The following BEND7 variants were observed in gnomAD, a reference collection of about 807,000 sequenced individuals.
BEND7 encodes BEN domain-containing protein 7.
A neutral mutation model predicts 50.9 loss-of-function variants in BEND7; 28 were observed. The observed-to-expected ratio is 0.55, with a 90% CI of 0.41 to 0.75. The LOEUF (loss-of-function observed/expected upper bound fraction) is 0.75. Among genes scored for constraint, BEND7 ranks in the 30% least tolerant of loss-of-function variants. The probability of loss-of-function intolerance (pLI) is 0.00; values close to 1 mark genes in which losing one functional copy is unlikely to be tolerated. For missense variants in BEND7, 477 were observed against 491.3 expected, an observed-to-expected ratio of 0.97 and a Z score of 0.28; for synonymous variants, 170 against 183.9, an observed-to-expected ratio of 0.92 and a Z score of 0.61.
chr10:13,460,442 CTTTTA>C (rs991352094), intron 6 of BEND7, among the ~76,000 whole-genome samples: 14 of 152,314 alleles, frequency 9.2e-5, no homozygotes, highest in African/African-American at 3.4e-4. Context: ...CTCTCTCTCT[CTTTTA>C]AAGATGGGGG....
At chr10:13,444,172 C>T (rs953484701) in intron 8 of BEND7, 8 of 152,140 alleles carry the variant, frequency 5.3e-5, no homozygotes, top group African/African-American at 1.9e-4. Flanking sequence ...CCTTCTGCCT[C>T]TCACACTAGT....
intron 6 of BEND7, among the ~76,000 whole-genome samples, chr10:13,472,948 A>C (rs1776006636): frequency 6.6e-6 from 1 of 151,196 alleles, no homozygotes; most frequent in Non-Finnish European, 1.5e-5. Flanking sequence ...TCACTGTTAG[A>C]CTCAGGGTCG....
At chr10:13,525,021 C>T (rs370939402) in intron 2 of BEND7, among the ~76,000 whole-genome samples, 81 of 152,328 alleles carry the variant, frequency 5.3e-4, no homozygotes, top group African/African-American at 1.7e-3. Context: ...TGACCCACAC[C>T]GGGTCTGAGC....
At chr10:13,486,983 C>A (rs558375263) in intron 5 of BEND7, among the ~76,000 whole-genome samples, 10 of 152,326 alleles carry the variant, frequency 6.6e-5, no homozygotes, top group Non-Finnish European at 1.3e-4. Context: ...TCCAGGCTCC[C>A]AGGTGACCTG....
intron 2 of BEND7, among the ~76,000 whole-genome samples, chr10:13,519,260 C>T (rs182420128): frequency 1.0e-3 from 159 of 152,248 alleles, no homozygotes; most frequent in African/African-American, 3.7e-3. Context: ...ATCACGAGGT[C>T]AGGAGATCGA....
At chr10:13,460,331 A>G (rs1839958139) in intron 6 of BEND7, among the ~76,000 whole-genome samples, 1 of 152,142 alleles carries the variant, frequency 6.6e-6, no homozygotes, top group Non-Finnish European at 1.5e-5. Context: ...CCTGCACCCC[A>G]CGAGACATCT....
chr10:13,500,085 T>C lies in BEND7; in HGVS notation c.146-5A>G. ...TTATTTCCATGCTTTCATCTCCTAATGGAAACAGGGCCAAAGTTAGCACTC... is the reference window on the plus strand; with the variant it reads ...TTATTTCCATGCTTTCATCTCCTAACGGAAACAGGGCCAAAGTTAGCACTC... On this transcript the variant is annotated splice_polypyrimidine_tract_variant and splice_region_variant and intron_variant, in intron 2 of 8. Transcript: ENST00000466271. 6.3e-7 allele frequency: 1 copy of C among 1,580,010 alleles called. No individual in the cohort carries two copies.
rs1269732688 is a variant in BEND7 at position 13,500,470 on chromosome 10, C to A, written c.146-390G>T. 19 of 990,000 alleles carry A rather than the reference C, an allele frequency of 1.9e-5. No individual in the cohort carries two copies. In the East Asian group the frequency reaches 9.8e-4, roughly 51 times the overall value. 61.3% of individuals were successfully genotyped at this position (990,000 alleles called of 1,614,324 possible). ...CCTCTGCTCTGATGGGCCACAGCCA[C>A]CCGTGAGGAATGGGCAGGTCACTAA... is the stretch of plus-strand genomic sequence containing the variant. On this transcript the variant is annotated intron_variant, in intron 2 of 8. Transcript: ENST00000466271.
At chr10:13,463,629 CTT>C (rs980626525) in intron 6 of BEND7, among the ~76,000 whole-genome samples, 10 of 151,874 alleles carry the variant, frequency 6.6e-5, no homozygotes, top group African/African-American at 2.2e-4. Context: ...AAAAATAAAA[CTT>C]TGTTGGAAAA....
At chr10:13,479,765 A>C (rs11258410) in intron 6 of BEND7, among the ~76,000 whole-genome samples, 5,095 of 152,214 alleles carry the variant, frequency 0.033, 123 homozygotes, top group Middle Eastern at 0.058. Context: ...TAAGTGAAAA[A>C]ATTCTGATTG....
chr10:13,441,635 A>G lies in BEND7; in HGVS notation c.*108T>C. On this transcript the variant is annotated 3_prime_UTR_variant, in exon 9 of 9. Transcript: ENST00000466271. ...TATTTTAACACGGCGAAAGGTCACC[A>G]ATTAATCTTCTCCCTTCCCTTGGGT... 6.9e-6 allele frequency: 11 copies of G among 1,585,398 alleles called. No homozygotes were observed. Among genetic ancestry groups the G allele is most frequent in the Non-Finnish European group, 9.4e-6 (11 of 1,167,932 alleles).
chr10:13,449,506 A>G (rs1004006703), intron 7 of BEND7, among the ~76,000 whole-genome samples: 1 of 152,228 alleles, frequency 6.6e-6, no homozygotes, highest in African/African-American at 2.4e-5. Flanking sequence ...TGCCAAGGAC[A>G]TGAGTCGCGT....
At chr10:13,524,010 G>A (rs141010836) in intron 2 of BEND7, among the ~76,000 whole-genome samples, 1 of 152,294 alleles carries the variant, frequency 6.6e-6, no homozygotes, top group African/African-American at 2.4e-5. Context: ...CTCAAGCCTG[G>A]TCCTTCATTG....
intron 5 of BEND7, among the ~76,000 whole-genome samples, chr10:13,483,581 A>G (rs2076015913): frequency 6.6e-6 from 1 of 152,228 alleles, no homozygotes; most frequent in Admixed American, 6.5e-5. Flanking sequence ...CGCTGTGCTC[A>G]GCACACCTGT....
chr10:13,480,563 A>T, intron 6 of BEND7: 1 of 869,772 alleles, frequency 1.1e-6, no homozygotes, highest in Non-Finnish European at 1.4e-6. Flanking sequence ...CATAACTCAA[A>T]CTTTAAGTTG....
intron 3 of BEND7, among the ~76,000 whole-genome samples, chr10:13,499,221 A>C (rs1002289141): frequency 2.0e-5 from 3 of 152,190 alleles, no homozygotes; most frequent in Non-Finnish European, 4.4e-5. Context: ...AAATTAAGAA[A>C]ATTTTACTTT....
At chr10:13,481,593 C>T (rs1011058965) in intron 5 of BEND7, among the ~76,000 whole-genome samples, 4 of 152,228 alleles carry the variant, frequency 2.6e-5, no homozygotes, top group African/African-American at 4.8e-5. Context: ...GACACAGATA[C>T]GGGGCTAACC....
chr10:13,522,085 A>G (rs2079117387), intron 2 of BEND7, among the ~76,000 whole-genome samples: 1 of 151,852 alleles, frequency 6.6e-6, no homozygotes, highest in African/African-American at 2.4e-5. Context: ...ATTAAAAAGA[A>G]TAACTAGAAC....
At chr10:13,512,983 A>G (rs1284196804) in intron 2 of BEND7, among the ~76,000 whole-genome samples, 1 of 152,200 alleles carries the variant, frequency 6.6e-6, no homozygotes, top group African/African-American at 2.4e-5. Flanking sequence ...CATGGTTCAC[A>G]GCAAAAAATA....
Sources: gnomAD v4.1 joint callset for allele counts (sites outside exome capture counted in the v4.1 genomes callset) on GRCh38, gnomAD v4.1.1 for gene constraint, MANE v1.5 for transcripts, NCBI Gene and HGNC (gene_info 2026-07-23, HGNC 2026-07-21) for gene names.